Variants in GRM5 observed in about 807,000 individuals in gnomAD.
GRM5 encodes the protein metabotropic glutamate receptor 5.
In GRM5, 19 loss-of-function variants were observed where a neutral mutation model predicts 83.1. The ratio of observed to expected loss-of-function variants is 0.23; its 90% CI spans 0.16 to 0.34. GRM5 has a LOEUF of 0.34. Ranked by LOEUF, GRM5 falls within the 10% of genes least tolerant of loss-of-function variation. The pLI is 1.00. For synonymous variants in GRM5, 675 were observed against 633.6 expected, an observed-to-expected ratio of 1.07 and a Z score of -0.98; for missense variants, 1,160 against 1,588.3, an observed-to-expected ratio of 0.73 and a Z score of 4.58.
At chr11:88,730,350 G>A (rs1302357298) in intron 3 of GRM5, among the ~76,000 whole-genome samples, 9 of 152,090 alleles carry the variant, frequency 5.9e-5, no homozygotes, top group Non-Finnish European at 1.2e-4. Flanking sequence ...TTAGAATGGC[G>A]ATTATTAAAA....
intron 7 of GRM5, among the ~76,000 whole-genome samples, chr11:88,584,702 C>T (rs1943279738): frequency 6.6e-6 from 1 of 152,088 alleles, no homozygotes; most frequent in African/African-American, 2.4e-5. Context: ...ATGTAGCCTC[C>T]CAAAGTGTTG....
chr11:88,897,332 TTATAAA>T (rs1565282423), intron 2 of GRM5, among the ~76,000 whole-genome samples: 1 of 151,944 alleles, frequency 6.6e-6, no homozygotes, highest in African/African-American at 2.4e-5. Context: ...AAGTCAGAAT[TTATAAA>T]GGACAGCCCA....
At chr11:88,557,263 C>A (rs1942651539) in intron 8 of GRM5, among the ~76,000 whole-genome samples, 1 of 152,146 alleles carries the variant, frequency 6.6e-6, no homozygotes, top group African/African-American at 2.4e-5. Flanking sequence ...GATAAAAGTA[C>A]TTAGCACAGT....
At chr11:88,799,697 A>C (rs2135484796) in intron 3 of GRM5, among the ~76,000 whole-genome samples, 1 of 152,264 alleles carries the variant, frequency 6.6e-6, no homozygotes, top group Admixed American at 6.5e-5. Context: ...CCCAGTCTCG[A>C]GTTTCCCTAG....
chr11:88,579,097 C>A (rs572980899), intron 7 of GRM5, among the ~76,000 whole-genome samples: 36 of 152,026 alleles, frequency 2.4e-4, no homozygotes, highest in Non-Finnish European at 4.6e-4. Flanking sequence ...TGATTCCAAC[C>A]TTTTTTAAAG....
chr11:89,053,682 CA>C (rs56034890), intron 1 of GRM5, among the ~76,000 whole-genome samples: 5,575 of 148,156 alleles, frequency 0.038, 190 homozygotes, highest in African/African-American at 0.093. Context: ...TGTTTAAAAG[CA>C]AAAAAAAAAA....
At chr11:88,553,222 C>T (rs1249027427) in intron 8 of GRM5, among the ~76,000 whole-genome samples, 2 of 152,172 alleles carry the variant, frequency 1.3e-5, no homozygotes, top group Non-Finnish European at 2.9e-5. Flanking sequence ...CTTGCTAGTC[C>T]ATTTGGGCTA....
chr11:88,690,888 T>C (rs1940765585), intron 3 of GRM5, among the ~76,000 whole-genome samples: 1 of 152,244 alleles, frequency 6.6e-6, no homozygotes, highest in African/African-American at 2.4e-5. Flanking sequence ...TTTATTCATC[T>C]TTCTGCTCAG....
intron 3 of GRM5, among the ~76,000 whole-genome samples, chr11:88,681,486 T>C: frequency 6.6e-6 from 1 of 151,306 alleles, no homozygotes; most frequent in Admixed American, 6.6e-5. Flanking sequence ...GGAACTACTC[T>C]TCTGAATTCT....
intron 2 of GRM5, among the ~76,000 whole-genome samples, chr11:88,908,831 C>T (rs890300761): frequency 5.9e-5 from 9 of 152,066 alleles, no homozygotes; most frequent in Admixed American, 3.9e-4. Context: ...TTCAGAATGC[C>T]CAGTGAATGA....
chr11:88,771,181 G>A (rs944459852), intron 3 of GRM5, among the ~76,000 whole-genome samples: 1 of 152,072 alleles, frequency 6.6e-6, no homozygotes. Context: ...CAGGAATTAA[G>A]ACATGCTTGT....
At chr11:88,744,991 TACTAG>T (rs1942103550) in intron 3 of GRM5, among the ~76,000 whole-genome samples, 1 of 152,102 alleles carries the variant, frequency 6.6e-6, no homozygotes, top group Non-Finnish European at 1.5e-5. Flanking sequence ...CCTGTCTGTA[TACTAG>T]ACTATTTTAA....
At chr11:88,594,772 C>T (rs1008050430) in intron 6 of GRM5, among the ~76,000 whole-genome samples, 1 of 152,074 alleles carries the variant, frequency 6.6e-6, no homozygotes, top group African/African-American at 2.4e-5. Context: ...GATGAAAAAA[C>T]ACATGAAATG....
chr11:88,552,914 A>G (rs935638233), intron 8 of GRM5, among the ~76,000 whole-genome samples: 2 of 152,188 alleles, frequency 1.3e-5, no homozygotes, highest in African/African-American at 2.4e-5. Flanking sequence ...AAATTAGATA[A>G]CATGTGCTTT....
intron 4 of GRM5, among the ~76,000 whole-genome samples, chr11:88,613,869 T>C (rs958371882): frequency 6.6e-6 from 1 of 152,144 alleles, no homozygotes; most frequent in African/African-American, 2.4e-5. Flanking sequence ...ATATACCTTA[T>C]TATAGAATTG....
intron 1 of GRM5, among the ~76,000 whole-genome samples, chr11:89,053,550 G>A (rs1941805791): frequency 6.6e-6 from 1 of 152,086 alleles, no homozygotes; most frequent in African/African-American, 2.4e-5. Context: ...TATGCCCCAA[G>A]GATCCAGTTA....
intron 4 of GRM5, among the ~76,000 whole-genome samples, chr11:88,633,369 C>G (rs2135274804): frequency 6.6e-6 from 1 of 152,264 alleles, no homozygotes; most frequent in East Asian, 1.9e-4. Context: ...TGAAGTCCAA[C>G]ACAGTCATTT....
chr11:88,949,003 A>G lies in GRM5; in HGVS notation c.661+98209T>C, dbSNP rs148108910. Among the ~76,000 whole-genome samples, 1,192 of 152,294 alleles carry G rather than the reference A, an allele frequency of 7.8e-3. 16 individuals carry two copies. The highest frequency in any genetic ancestry group is 0.028 in the African/African-American group (1,144 of 41,562). ...AAAGATATTACTGTGTGCCCCAACTAAACATGAAGCCCAGAATGGCTTGCT... is the reference window on the plus strand; with the variant it reads ...AAAGATATTACTGTGTGCCCCAACTGAACATGAAGCCCAGAATGGCTTGCT... On this transcript the variant is annotated intron_variant, in intron 2 of 9. Coordinates refer to ENST00000305447, the MANE Select transcript of GRM5 (RefSeq NM_001143831.3).
chr11:88,644,678 C>G (rs1939391953), intron 4 of GRM5, among the ~76,000 whole-genome samples: 1 of 152,112 alleles, frequency 6.6e-6, no homozygotes, highest in Admixed American at 6.6e-5. Flanking sequence ...GTGAGCATCT[C>G]TGTCCAAGGG....
Sources: allele counts gnomAD v4.1 joint callset (sites outside exome capture counted in the v4.1 genomes callset), GRCh38; gene constraint gnomAD v4.1.1; transcripts MANE v1.5; gene names NCBI Gene and HGNC (gene_info 2026-07-23, HGNC 2026-07-21).